Variants in PIK3CG observed in about 807,000 individuals in gnomAD.
The protein encoded by PIK3CG is phosphatidylinositol 4,5-bisphosphate 3-kinase catalytic subunit gamma isoform.
A neutral mutation model predicts 102.3 loss-of-function variants in PIK3CG; 55 were observed. That is an observed-to-expected ratio of 0.54 (90% CI 0.43 to 0.67). The LOEUF (loss-of-function observed/expected upper bound fraction) is 0.67, where lower values mean the gene tolerates loss of function less well. PIK3CG is among the 30% of genes least tolerant of loss of function. The pLI is 0.00. For missense variants in PIK3CG, 1,258 were observed against 1,391.8 expected (o/e 0.90, Z 1.53); for synonymous variants, 552 against 540.0 (o/e 1.02, Z -0.31).
chr7:106,903,487 A>G lies in PIK3CG; in HGVS notation c.3031-1622A>G, dbSNP rs1323842806. Among the ~76,000 whole-genome samples the G allele has an allele frequency of 6.6e-6, 1 of 151,812 alleles. No homozygotes were observed. The highest frequency in any genetic ancestry group is 1.5e-5 in the Non-Finnish European group (1 of 67,938). ...TTTTTTAAGAGTATAAAAATTATAA[A>G]TTATAAAAATTATAAAAGCATAGGT... On this transcript the variant is annotated intron_variant, in intron 10 of 10. Transcript: ENST00000496166. This position sits in a 1 kb window ranked among gnomAD's most constrained non-coding sequence, Gnocchi z 4.3.
rs147999300 is a variant in PIK3CG at position 106,880,200 on chromosome 7, T to C, written c.2538+535T>C. On this transcript the variant is annotated intron_variant, in intron 6 of 10. Transcript: ENST00000496166. The surrounding 1 kb of genome is among the most constrained non-coding windows in gnomAD (Gnocchi z 4.2). ...ATGGTCAATATATCAGTGCTAATTA[T>C]TTTCATATTTTCTAACATTTCTAGA... Among the ~76,000 whole-genome samples the C allele has an allele frequency of 3.3e-4, 50 of 152,328 alleles. No homozygotes were observed. The highest frequency in any genetic ancestry group is 1.2e-3 in the African/African-American group (49 of 41,572).
In PIK3CG at chr7:106,868,670, T is replaced by G. The variant is rs984516467; in HGVS notation, c.1109T>G (p.Ile370Ser). 2.1e-5 allele frequency: 34 copies of G among 1,614,058 alleles called. No individual in the cohort carries two copies. The Admixed American group carries it at 3.2e-4, about 15-fold the overall frequency. ...KFRVKIRGID[I>S]PVLPRNTDLT... ...AGGGTCAAGATCAGAGGCATTGATA[T>G]CCCCGTCCTGCCTCGGAACACCGAC... Residue 370 changes from isoleucine (I) to serine (S), a missense_variant, in exon 2 of 11, where the codon ATC becomes AGC. By Grantham distance (142) the Ile-to-Ser change is moderately radical (BLOSUM62 -2). Coordinates refer to ENST00000496166, the MANE Select transcript of PIK3CG (RefSeq NM_001282426.2). This position sits in a 1 kb window ranked among gnomAD's most constrained non-coding sequence, Gnocchi z 6.2.
At position 106,868,178 on chromosome 7, in the gene PIK3CG, C is replaced by T. The variant is rs2116432713; in HGVS notation, c.617C>T (p.Pro206Leu). 1 of 1,612,710 alleles carries T rather than the reference C, an allele frequency of 6.2e-7. No individual in the cohort carries two copies. Reference sequence around the variant, plus strand: ...ATGCACCCGTGGGTGACGTCCAAGCCCCTCCCGGAGTACCTGTGGAAGAAG... The same window carrying T: ...ATGCACCCGTGGGTGACGTCCAAGCTCCTCCCGGAGTACCTGTGGAAGAAG... ...YAMHPWVTSKPLPEYLWKKIA... is the reference protein window; with the variant it reads ...YAMHPWVTSKLLPEYLWKKIA... Residue 206 changes from proline to leucine, a missense_variant, in exon 2 of 11, where the codon CCC (proline) becomes CTC (leucine). By Grantham distance (98) the Pro-to-Leu change is moderately conservative. Transcript: ENST00000496166. This position sits in a 1 kb window ranked among gnomAD's most constrained non-coding sequence, Gnocchi z 6.2.
At chr7:106,866,506 G>A (rs1403496066) in intron 1 of PIK3CG, among the ~76,000 whole-genome samples, 1 of 152,184 alleles carries the variant, frequency 6.6e-6, no homozygotes, top group African/African-American at 2.4e-5. Context: ...AAATATTAGA[G>A]CAAAAAAGAA....
intron 4 of PIK3CG, among the ~76,000 whole-genome samples, 154 bp downstream of exon 4, chr7:106,873,092 C>A (rs995205948): frequency 6.6e-6 from 1 of 152,102 alleles, no homozygotes; most frequent in Admixed American, 6.5e-5. Context: ...ATGGAGTAAA[C>A]AAATTTAAAG....
At position 106,903,738 on chromosome 7, in the gene PIK3CG, ATTTTATTTT is replaced by A. The variant is rs924374315; in HGVS notation, c.3031-1362_3031-1354del. Among the ~76,000 whole-genome samples, 10 of 89,174 alleles carry A rather than the reference ATTTTATTTT, an allele frequency of 1.1e-4. No individual in the cohort carries two copies. Among genetic ancestry groups the A allele is most frequent in the South Asian group, 4.7e-4 (1 of 2,146 alleles). The allele number at this position is 89,174 out of a possible 152,430, so 58.5% of individuals were successfully genotyped here. On this transcript the variant is annotated intron_variant, in intron 10 of 10. Transcript: ENST00000496166. The surrounding 1 kb of genome is among the most constrained non-coding windows in gnomAD (Gnocchi z 4.3). ...TAATAAGTTTTCCTTCACTTTTCTG[ATTTTATTTT>A]TTTTATTTATTTATTTATTTATTTA...
chr7:106,868,587 C>G lies in PIK3CG; in HGVS notation c.1026C>G (p.His342Gln), dbSNP rs539823993. 6.2e-7 allele frequency: 1 copy of G among 1,614,194 alleles called. No homozygotes were observed. Among genetic ancestry groups the G allele is most frequent in the Non-Finnish European group, 8.5e-7 (1 of 1,180,042 alleles). The change falls in exon 2 of 11, where the codon CAC (histidine) becomes CAG (glutamine). Residue 342 changes from histidine (H) to glutamine (Q), a missense_variant. By Grantham distance (24) the His-to-Gln change is conservative. This residue lies in a region of PIK3CG where 832 missense variants were observed against 787.5 expected (regional missense o/e 1.06). Transcript: ENST00000496166. The surrounding 1 kb of genome is among the most constrained non-coding windows in gnomAD (Gnocchi z 6.2). Reference protein sequence around the residue: ...VTGYHEQLTIHGKDHESVFTV... With the variant: ...VTGYHEQLTIQGKDHESVFTV... ...GCTACCATGAGCAGCTTACCATCCACGGCAAGGACCACGAGAGTGTGTTCA... is the reference window on the plus strand; with the variant it reads ...GCTACCATGAGCAGCTTACCATCCAGGGCAAGGACCACGAGAGTGTGTTCA...
At position 106,869,937 on chromosome 7, in the gene PIK3CG, G is replaced by C. The variant is rs956901950; in HGVS notation, c.1995+381G>C. ...TTTAACTCTTCCAATAACTATGATG[G>C]AGGTCAAATTGACATTTGCACTTTT... is the stretch of plus-strand genomic sequence containing the variant. On this transcript the variant is annotated intron_variant, in intron 2 of 10. Transcript: ENST00000496166. The surrounding 1 kb of genome is among the most constrained non-coding windows in gnomAD (Gnocchi z 5.3). Among the ~76,000 whole-genome samples, 1 of 152,118 alleles carries C rather than the reference G, an allele frequency of 6.6e-6. No homozygotes were observed. The highest frequency in any genetic ancestry group is 2.4e-5 in the African/African-American group (1 of 41,414).
rs1291796426 is a variant in PIK3CG, at chr7:106,892,759, G to C, written c.3030+6467G>C. Among the ~76,000 whole-genome samples the C allele has an allele frequency of 3.9e-5, 6 of 152,136 alleles. No individual in the cohort carries two copies. The highest frequency in any genetic ancestry group is 8.8e-5 in the Non-Finnish European group (6 of 68,040). On this transcript the variant is annotated intron_variant, in intron 10 of 10. Coordinates refer to ENST00000496166, the MANE Select transcript of PIK3CG (RefSeq NM_001282426.2). This position sits in a 1 kb window ranked among gnomAD's most constrained non-coding sequence, Gnocchi z 5.2. ...TAATCCTGCCCTAGAGGATAGAAAA[G>C]GGCTATTCAGAGAAGCATGTGTTTT...
rs2116592146 is a variant in PIK3CG at position 106,895,426 on chromosome 7, C to T, written c.3030+9134C>T. On this transcript the variant is annotated intron_variant, in intron 10 of 10. Coordinates refer to ENST00000496166, the MANE Select transcript of PIK3CG (RefSeq NM_001282426.2). The surrounding 1 kb of genome is among the most constrained non-coding windows in gnomAD (Gnocchi z 5.4). ...AGACCCTGTGGCTGAGTCCAAAAGG[C>T]AGAAATGAAACTTCTGGGACTGAGC... 6.6e-6 allele frequency among the ~76,000 whole-genome samples: 1 copy of T among 152,352 alleles called. No homozygotes were observed. Among genetic ancestry groups the T allele is most frequent in the South Asian group, 2.1e-4 (1 of 4,826 alleles).
In PIK3CG at chr7:106,906,854, G is replaced by A. The variant is rs1400965294; in HGVS notation, c.*1467G>A. 5.3e-6 allele frequency: 1 copy of A among 189,152 alleles called. No individual in the cohort carries two copies. Among genetic ancestry groups the A allele is most frequent in the African/African-American group, 2.7e-5 (1 of 37,440 alleles). 11.7% of individuals were successfully genotyped at this position (189,152 alleles called of 1,614,324 possible). On this transcript the variant is annotated 3_prime_UTR_variant, in exon 11 of 11. Coordinates refer to ENST00000496166, the MANE Select transcript of PIK3CG (RefSeq NM_001282426.2). ...TTCTTTTTTTTTTTTTTTTTAATGT[G>A]TGCAAAAGCCCAAAGGTTCCTAAGC... is the stretch of plus-strand genomic sequence containing the variant.
At chr7:106,878,189 G>T (rs1033583491) in intron 5 of PIK3CG, among the ~76,000 whole-genome samples, 4 of 152,036 alleles carry the variant, frequency 2.6e-5, no homozygotes, top group African/African-American at 9.7e-5. Flanking sequence ...TTTTCTTGCA[G>T]TAACATTTTT....
intron 10 of PIK3CG, among the ~76,000 whole-genome samples, chr7:106,900,278 C>T (rs1791510469): frequency 6.6e-6 from 1 of 151,918 alleles, no homozygotes. Flanking sequence ...ATAGTTAAGT[C>T]TTCTTGTTGA....
chr7:106,867,500 A>C lies in PIK3CG; in HGVS notation c.-12-50A>C. The C allele has an allele frequency of 6.8e-7, 1 of 1,478,012 alleles. No individual in the cohort carries two copies. The highest frequency in any genetic ancestry group is 1.4e-5 in the African/African-American group (1 of 70,960). 91.6% of individuals were successfully genotyped at this position (1,478,012 alleles called of 1,614,324 possible). Reference sequence around the variant, plus strand: ...TTCCCTCATCTCACCAGAAAATATAAGGGGAAAGTGCCTTTCTTGTGACAA... The same window carrying C: ...TTCCCTCATCTCACCAGAAAATATACGGGGAAAGTGCCTTTCTTGTGACAA... On this transcript the variant is annotated intron_variant, in intron 1 of 10. Transcript: ENST00000496166. The surrounding 1 kb of genome is among the most constrained non-coding windows in gnomAD (Gnocchi z 5.1).
rs1409539582 is a variant in PIK3CG, at chr7:106,905,451, G to A, written c.*64G>A. On this transcript the variant is annotated 3_prime_UTR_variant, in exon 11 of 11. Coordinates refer to ENST00000496166, the MANE Select transcript of PIK3CG (RefSeq NM_001282426.2). This position sits in a 1 kb window ranked among gnomAD's most constrained non-coding sequence, Gnocchi z 5.6. ...GGTTTAAATTAGCATAGCAATCATC[G>A]AACTTGGATTTCAAATGCAATAGAC... 29 of 1,460,514 alleles carry A rather than the reference G, an allele frequency of 2.0e-5. No homozygotes were observed. The highest frequency in any genetic ancestry group is 2.6e-5 in the Non-Finnish European group (28 of 1,071,112). 90.5% of individuals were successfully genotyped at this position (1,460,514 alleles called of 1,614,324 possible).
chr7:106,889,426 G>A (rs908358240), intron 10 of PIK3CG, among the ~76,000 whole-genome samples: 1 of 151,932 alleles, frequency 6.6e-6, no homozygotes, highest in African/African-American at 2.4e-5. Context: ...TTTTAGAATT[G>A]AAGTTCTTCA....
In PIK3CG at chr7:106,891,456, T is replaced by C. The variant is rs1791260681; in HGVS notation, c.3030+5164T>C. ...TTTTGTAGAGATTTCCTTATTGACA[T>C]AAATCTTACATATTTCTTTCCAGTC... On this transcript the variant is annotated intron_variant, in intron 10 of 10. Transcript: ENST00000496166. This position sits in a 1 kb window ranked among gnomAD's most constrained non-coding sequence, Gnocchi z 4.4. Among the ~76,000 whole-genome samples the C allele has an allele frequency of 6.6e-6, 1 of 152,240 alleles. No individual in the cohort carries two copies. Among genetic ancestry groups the C allele is most frequent in the African/African-American group, 2.4e-5 (1 of 41,468 alleles).
chr7:106,885,148 A>C (rs1791049082), intron 9 of PIK3CG, among the ~76,000 whole-genome samples: 1 of 152,120 alleles, frequency 6.6e-6, no homozygotes, highest in Non-Finnish European at 1.5e-5. Context: ...TCCATGGCCC[A>C]GGGGTTGGGG....
chr7:106,874,863 T>A lies in PIK3CG; in HGVS notation c.2391+60T>A. The stretch of plus-strand genomic sequence containing the variant: ...ATGTCTTGAAGATGTCTAACGTGCT[T>A]GCTGGGGCCCAGTACTTAAAAGCTA... On this transcript the variant is annotated intron_variant, in intron 5 of 10. Coordinates refer to ENST00000496166, the MANE Select transcript of PIK3CG (RefSeq NM_001282426.2). This position sits in a 1 kb window ranked among gnomAD's most constrained non-coding sequence, Gnocchi z 4.3. 9.0e-7 allele frequency: 1 copy of A among 1,107,644 alleles called. No individual in the cohort carries two copies. The highest frequency in any genetic ancestry group is 1.4e-6 in the Non-Finnish European group (1 of 733,320). The allele number at this position is 1,107,644 out of a possible 1,614,324, so 68.6% of individuals were successfully genotyped here.
Sources: allele counts gnomAD v4.1 joint callset (sites outside exome capture counted in the v4.1 genomes callset), GRCh38; gene constraint gnomAD v4.1.1; regional missense constraint gnomAD v4.1.1; non-coding constraint Gnocchi (gnomAD v3.1); transcripts MANE v1.5; gene names NCBI Gene and HGNC (gene_info 2026-07-23, HGNC 2026-07-21).